The following PTPRD variants were observed in gnomAD, a reference collection of about 807,000 sequenced individuals.
PTPRD encodes receptor-type tyrosine-protein phosphatase delta.
PTPRD carries 34 observed loss-of-function variants against 214.5 expected under a neutral mutation model. The observed-to-expected ratio is 0.16, with a 90% CI of 0.12 to 0.21. PTPRD has a LOEUF of 0.21. PTPRD is among the 10% of genes least tolerant of loss of function. The pLI, the probability that PTPRD is intolerant of heterozygous loss-of-function variation, is 1.00. For synonymous variants in PTPRD, 1,128 were observed against 845.7 expected, an observed-to-expected ratio of 1.33 and a Z score of -5.79; for missense variants, 2,545 against 2,398.7, an observed-to-expected ratio of 1.06 and a Z score of -1.27.
intron 33 of PTPRD, among the ~76,000 whole-genome samples, chr9:8,458,412 T>G (rs996975026): frequency 6.6e-6 from 1 of 152,176 alleles, no homozygotes; most frequent in Non-Finnish European, 1.5e-5. Flanking sequence ...AAAACATAAC[T>G]TAAAAATAAG....
intron 2 of PTPRD, among the ~76,000 whole-genome samples, chr9:10,383,863 T>C (rs1203999396): frequency 6.6e-6 from 1 of 151,814 alleles, no homozygotes; most frequent in Non-Finnish European, 1.5e-5. Context: ...AATGGGAACA[T>C]GAGCACGTGA....
At chr9:9,719,816 T>C (rs2097903795) in intron 7 of PTPRD, among the ~76,000 whole-genome samples, 1 of 152,184 alleles carries the variant, frequency 6.6e-6, no homozygotes, top group Non-Finnish European at 1.5e-5. Flanking sequence ...ATTCCCCTCA[T>C]CCGGACATTG....
intron 9 of PTPRD, among the ~76,000 whole-genome samples, chr9:9,324,162 G>T (rs1261536510): frequency 6.6e-6 from 1 of 152,162 alleles, no homozygotes; most frequent in African/African-American, 2.4e-5. Flanking sequence ...GTGTGCATGT[G>T]TCTTTATAGC....
chr9:9,694,880 G>C (rs929568234), intron 7 of PTPRD, among the ~76,000 whole-genome samples: 2 of 152,066 alleles, frequency 1.3e-5, no homozygotes, highest in Admixed American at 6.5e-5. Context: ...TTTGACCTTG[G>C]TCAGGTCCAG....
chr9:8,719,412 C>A (rs904572263), intron 12 of PTPRD, among the ~76,000 whole-genome samples: 26 of 152,274 alleles, frequency 1.7e-4, no homozygotes, highest in African/African-American at 6.3e-4. Context: ...ACTAACAAAG[C>A]AAAGTGATAA....
intron 3 of PTPRD, among the ~76,000 whole-genome samples, chr9:10,117,612 G>GTTTTTTTTTTTTTTTTTTTTTTTTTTTT (rs35593505): frequency 6.9e-6 from 1 of 144,666 alleles, no homozygotes; most frequent in Non-Finnish European, 1.5e-5. Flanking sequence ...AAATCTCCCC[G>GTTTTTTTTTTTTTTTTTTTTTTTTTTTT]TTTTTTTTTT....
intron 7 of PTPRD, among the ~76,000 whole-genome samples, chr9:9,617,980 G>C (rs2094989383): frequency 1.4e-5 from 2 of 147,166 alleles, no homozygotes; most frequent in African/African-American, 2.5e-5. Context: ...CCTGAGGCAG[G>C]AGAATGGCGT....
chr9:8,666,184 T>C lies in PTPRD; in HGVS notation c.65-29340A>G, dbSNP rs547906421. Among the ~76,000 whole-genome samples, 284 of 152,276 alleles carry C rather than the reference T, an allele frequency of 1.9e-3. 3 individuals are homozygous for C. Among genetic ancestry groups the C allele is most frequent in the African/African-American group, 6.4e-3 (268 of 41,564 alleles). ...AATCCAACAATTTAAATTGAAGATT[T>C]TTTTCCCCTGCTGTAGAAAAGTGTC... On this transcript the variant is annotated intron_variant, in intron 12 of 45. Coordinates refer to ENST00000381196, the MANE Select transcript of PTPRD (RefSeq NM_002839.4).
At chr9:10,065,615 T>C (rs140444325) in intron 3 of PTPRD, among the ~76,000 whole-genome samples, 1 of 151,910 alleles carries the variant, frequency 6.6e-6, no homozygotes, top group Non-Finnish European at 1.5e-5. Flanking sequence ...TTTAAAAAAT[T>C]TTCTTAGCTA....
At chr9:9,648,122 A>G (rs2096243788) in intron 7 of PTPRD, among the ~76,000 whole-genome samples, 1 of 152,172 alleles carries the variant, frequency 6.6e-6, no homozygotes, top group East Asian at 1.9e-4. Context: ...AATTTTTGTC[A>G]TATATTTATT....
At chr9:9,850,621 G>A (rs2060378923) in intron 5 of PTPRD, among the ~76,000 whole-genome samples, 1 of 151,974 alleles carries the variant, frequency 6.6e-6, no homozygotes. Flanking sequence ...AGAATACTAT[G>A]GAATGATGAA....
At chr9:9,814,290 G>T (rs767061043) in intron 5 of PTPRD, among the ~76,000 whole-genome samples, 1 of 134,502 alleles carries the variant, frequency 7.4e-6, no homozygotes, top group Non-Finnish European at 1.5e-5. Flanking sequence ...GTCCTAACCT[G>T]AGCAATTAGG....
At chr9:10,454,836 TGCACAC>T (rs1764640445) in intron 2 of PTPRD, among the ~76,000 whole-genome samples, 1 of 151,058 alleles carries the variant, frequency 6.6e-6, no homozygotes, top group Non-Finnish European at 1.5e-5. Flanking sequence ...CACATGCACA[TGCACAC>T]ACACATATAA....
At chr9:9,678,158 G>T (rs1265858159) in intron 7 of PTPRD, among the ~76,000 whole-genome samples, 1 of 152,046 alleles carries the variant, frequency 6.6e-6, no homozygotes, top group South Asian at 2.1e-4. Flanking sequence ...GTAATTTATA[G>T]ATTCAATGCC....
At chr9:9,476,813 G>A (rs371190306) in intron 8 of PTPRD, among the ~76,000 whole-genome samples, 11 of 152,100 alleles carry the variant, frequency 7.2e-5, no homozygotes, top group Admixed American at 4.6e-4. Context: ...TTGGCTCACC[G>A]CAACCTCCAC....
In PTPRD at chr9:8,501,070, T is replaced by G. The variant is rs1258538083; in HGVS notation, c.1823-11A>C. Reference sequence around the variant, plus strand: ...GAGGAGCTGACGGCTCTTATTTTGGTAGTGAGTTAAAGGAGGATTTAAGTG... The same window carrying G: ...GAGGAGCTGACGGCTCTTATTTTGGGAGTGAGTTAAAGGAGGATTTAAGTG... On this transcript the variant is annotated splice_polypyrimidine_tract_variant and intron_variant, in intron 23 of 45. Transcript: ENST00000381196. 1 of 1,606,832 alleles carries G rather than the reference T, an allele frequency of 6.2e-7. No individual in the cohort carries two copies. Among genetic ancestry groups the G allele is most frequent in the African/African-American group, 1.3e-5 (1 of 74,392 alleles).
At chr9:9,442,314 T>A (rs767047898) in intron 8 of PTPRD, 2 of 152,238 alleles carry the variant, frequency 1.3e-5, no homozygotes, top group Non-Finnish European at 2.9e-5. Context: ...ATGCTACTGG[T>A]GTCCCCTAAT....
intron 4 of PTPRD, among the ~76,000 whole-genome samples, chr9:10,029,417 G>T (rs1040727156): frequency 1.3e-5 from 2 of 152,210 alleles, no homozygotes; most frequent in Non-Finnish European, 2.9e-5. Context: ...ACACTCAATG[G>T]CAGCTTGTGA....
At chr9:8,569,142 T>C (rs2090344960) in intron 14 of PTPRD, among the ~76,000 whole-genome samples, 1 of 152,132 alleles carries the variant, frequency 6.6e-6, no homozygotes, top group South Asian at 2.1e-4. Context: ...TTAACCCACG[T>C]AGGTGAAACT....
Sources: gnomAD v4.1 joint callset for allele counts (sites outside exome capture counted in the v4.1 genomes callset) on GRCh38, gnomAD v4.1.1 for gene constraint, MANE v1.5 for transcripts, NCBI Gene and HGNC (gene_info 2026-07-23, HGNC 2026-07-21) for gene names.